Variants in SLC9C1 observed in about 807,000 individuals in gnomAD.
The protein encoded by SLC9C1 is sodium/hydrogen exchanger 10.
In SLC9C1, 97 loss-of-function variants were observed where a neutral mutation model predicts 140.9. The ratio of observed to expected loss-of-function variants is 0.69; its 90% CI spans 0.58 to 0.82. The LOEUF is 0.82. SLC9C1 is among the 40% of genes least tolerant of loss of function. SLC9C1 has a pLI of 0.00. For synonymous variants in SLC9C1, 440 were observed against 442.6 expected (o/e 0.99, Z 0.07); for missense variants, 1,340 against 1,389.3 (o/e 0.96, Z 0.56).
intron 16 of SLC9C1, among the ~76,000 whole-genome samples, chr3:112,206,248 AT>A (rs2078044732): frequency 6.6e-6 from 1 of 151,980 alleles, no homozygotes; most frequent in Non-Finnish European, 1.5e-5. Context: ...GCATGAAAAA[AT>A]GCTCATCATC....
intron 26 of SLC9C1, among the ~76,000 whole-genome samples, chr3:112,165,571 G>A (rs1277312386): frequency 6.6e-6 from 1 of 152,186 alleles, no homozygotes; most frequent in African/African-American, 2.4e-5. Flanking sequence ...AGCAGTGGAG[G>A]CTGCACAACA....
chr3:112,251,213 T>A (rs1312258171), intron 10 of SLC9C1, among the ~76,000 whole-genome samples: 1 of 152,000 alleles, frequency 6.6e-6, no homozygotes, highest in African/African-American at 2.4e-5. Flanking sequence ...AGCAAAAAAC[T>A]TGACCCACAG....
At position 112,180,738 on chromosome 3, in the gene SLC9C1, TG is replaced by T. The variant is rs2107955990; in HGVS notation, c.2650-77del. ...TTGGGAATGTTAAAATTTGCATTTT[TG>T]TTATTTATTTTTTTGAGACGGAGTC... On this transcript the variant is annotated intron_variant, in intron 21 of 28. Transcript: ENST00000305815. 2.3e-6 allele frequency: 3 copies of T among 1,284,460 alleles called. No homozygotes were observed. The African/African-American group carries it at 4.5e-5, about 19-fold the overall frequency. 79.6% of individuals were successfully genotyped at this position (1,284,460 alleles called of 1,614,324 possible).
intron 12 of SLC9C1, among the ~76,000 whole-genome samples, chr3:112,234,197 C>T (rs559794350): frequency 9.2e-5 from 14 of 152,256 alleles, no homozygotes; most frequent in Admixed American, 7.8e-4. Context: ...GATGGTATCT[C>T]GTTGTGGTTT....
rs1398624027 is a variant in SLC9C1 at position 112,169,367 on chromosome 3, G to A, written c.2920-39C>T. 3 of 1,582,766 alleles carry A rather than the reference G, an allele frequency of 1.9e-6. 1 individual carries two copies. Among genetic ancestry groups the A allele is most frequent in the South Asian group, 2.3e-5 (2 of 86,274 alleles). On this transcript the variant is annotated intron_variant, in intron 23 of 28. Coordinates refer to ENST00000305815, the MANE Select transcript of SLC9C1 (RefSeq NM_183061.3). ...ATGTAAATTTGATATTTTATTTTGTGCACTATGGTTTAAGGAATAAAGTTT... is the reference window on the plus strand; with the variant it reads ...ATGTAAATTTGATATTTTATTTTGTACACTATGGTTTAAGGAATAAAGTTT...
At chr3:112,164,870 C>T (rs1329375820) in intron 26 of SLC9C1, among the ~76,000 whole-genome samples, 1 of 152,182 alleles carries the variant, frequency 6.6e-6, no homozygotes, top group African/African-American at 2.4e-5. Context: ...AGAGTGTTTT[C>T]CAGCTTGGTT....
chr3:112,180,746 A>AT, intron 21 of SLC9C1, 84 bp from the exon 22 acceptor site: 1 of 1,192,910 alleles, frequency 8.4e-7, no homozygotes, highest in Non-Finnish European at 1.2e-6. Context: ...TTTGTTATTT[A>AT]TTTTTTTGAG....
At chr3:112,166,152 T>C (rs2077129766) in intron 26 of SLC9C1, among the ~76,000 whole-genome samples, 1 of 152,192 alleles carries the variant, frequency 6.6e-6, no homozygotes, top group Non-Finnish European at 1.5e-5. Context: ...GACCCGATTT[T>C]CCAGGCGCCG....
chr3:112,253,598 A>G (rs2079523808), intron 10 of SLC9C1, among the ~76,000 whole-genome samples: 1 of 152,208 alleles, frequency 6.6e-6, no homozygotes, highest in African/African-American at 2.4e-5. Flanking sequence ...TGGCCCAATG[A>G]AAACATTCAG....
At chr3:112,252,779 G>A (rs1248285372) in intron 10 of SLC9C1, among the ~76,000 whole-genome samples, 1 of 152,260 alleles carries the variant, frequency 6.6e-6, no homozygotes, top group African/African-American at 2.4e-5. Context: ...GCAAAGCACT[G>A]CTGCCCTTGG....
chr3:112,239,967 C>G lies in SLC9C1; in HGVS notation c.1319G>C (p.Cys440Ser), dbSNP rs1049967139. ...CTCTTGAAAGTGTTGAAATGTGCAACAAACCGATTTATATTTTGTTGATGT... is the reference window on the plus strand; with the variant it reads ...CTCTTGAAAGTGTTGAAATGTGCAAGAAACCGATTTATATTTTGTTGATGT... ...DATSTKYKSV[C>S]CTFQHFQELT... The change falls in exon 12 of 29, where the codon TGT becomes TCT. Residue 440 changes from cysteine (C) to serine (S), a missense_variant. Cys to Ser is a moderately radical substitution (Grantham distance 112). Transcript: ENST00000305815. 6.2e-7 allele frequency: 1 copy of G among 1,612,758 alleles called. No homozygotes were observed. The highest frequency in any genetic ancestry group is 8.5e-7 in the Non-Finnish European group (1 of 1,179,654).
chr3:112,221,144 CA>C lies in SLC9C1; in HGVS notation c.1653del (p.Phe551LeufsTer9), dbSNP rs1429286561. 6.2e-7 allele frequency: 1 copy of C among 1,613,372 alleles called. No individual in the cohort carries two copies. The highest frequency in any genetic ancestry group is 1.3e-5 in the African/African-American group (1 of 74,866). ...TATACTTACTTTCCCTTCTTCTCACCAAAACTTTCTGCTGCACCAACCAACA... is the reference window on the plus strand; with the variant it reads ...TATACTTACTTTCCCTTCTTCTCACCAAACTTTCTGCTGCACCAACCAACA... The part of the protein sequence containing the change: ...VQVLVGAAES[F>X]GEKKGKCMSL... On this transcript the variant is annotated frameshift_variant, in exon 14 of 29. Transcript: ENST00000305815. LOFTEE classifies it high-confidence loss of function.
intron 19 of SLC9C1, 83 bp from the exon 20 acceptor site, chr3:112,199,552 C>G: frequency 8.5e-7 from 1 of 1,174,584 alleles, no homozygotes; most frequent in Middle Eastern, 2.9e-4. Flanking sequence ...AGTTTCTGTT[C>G]TAAACCCATG....
chr3:112,233,015 G>A (rs1459043079), intron 12 of SLC9C1, among the ~76,000 whole-genome samples: 2 of 138,106 alleles, frequency 1.4e-5, no homozygotes, highest in African/African-American at 2.7e-5. Context: ...ATTTTCTAAG[G>A]TTCACTTTCA....
At chr3:112,213,447 G>C (rs2078264923) in intron 15 of SLC9C1, among the ~76,000 whole-genome samples, 1 of 152,120 alleles carries the variant, frequency 6.6e-6, no homozygotes, top group Admixed American at 6.6e-5. Context: ...TCAGTGTTCT[G>C]TATTCAGGGG....
chr3:112,150,803 TA>T (rs2074940988), intron 28 of SLC9C1, among the ~76,000 whole-genome samples: 8 of 48,426 alleles, frequency 1.7e-4, no homozygotes, highest in South Asian at 1.2e-3. Context: ...CATATATATA[TA>T]TATATAAATA....
chr3:112,194,212 A>T (rs530177436), intron 20 of SLC9C1, among the ~76,000 whole-genome samples: 1 of 152,274 alleles, frequency 6.6e-6, no homozygotes, highest in African/African-American at 2.4e-5. Context: ...ATACTTCTGT[A>T]GGGAGGACTG....
intron 10 of SLC9C1, among the ~76,000 whole-genome samples, chr3:112,251,921 G>C (rs1162655049): frequency 6.6e-6 from 1 of 152,120 alleles, no homozygotes; most frequent in Non-Finnish European, 1.5e-5. Flanking sequence ...GTATGGACAG[G>C]GATCTAACCC....
chr3:112,161,779 TTAAAG>T (rs1388188933), intron 26 of SLC9C1, among the ~76,000 whole-genome samples: 1 of 151,780 alleles, frequency 6.6e-6, no homozygotes, highest in Non-Finnish European at 1.5e-5. Context: ...CATATGAACT[TTAAAG>T]TAGTTTTTCC....
Sources: allele counts gnomAD v4.1 joint callset (sites outside exome capture counted in the v4.1 genomes callset), GRCh38; gene constraint gnomAD v4.1.1; transcripts MANE v1.5; gene names NCBI Gene and HGNC (gene_info 2026-07-23, HGNC 2026-07-21).